The following TDRD1 variants were observed in gnomAD, a reference collection of about 807,000 sequenced individuals.
TDRD1 encodes the protein tudor domain-containing protein 1.
A neutral mutation model predicts 140.6 loss-of-function variants in TDRD1; 37 were observed. That is an observed-to-expected ratio of 0.26 (90% CI 0.20 to 0.35). The LOEUF (loss-of-function observed/expected upper bound fraction) is 0.35, where lower values mean the gene tolerates loss of function less well. Among genes scored for constraint, TDRD1 ranks in the 10% least tolerant of loss-of-function variants. TDRD1 has a pLI of 1.00. For synonymous variants in TDRD1, 506 were observed against 475.7 expected (o/e 1.06, Z -0.83); for missense variants, 1,243 against 1,393.0 (o/e 0.89, Z 1.71).
intron 2 of TDRD1, among the ~76,000 whole-genome samples, chr10:114,188,394 C>T (rs369749229): frequency 1.6e-4 from 24 of 152,256 alleles, no homozygotes; most frequent in Middle Eastern, 3.4e-3. Flanking sequence ...CCACAGAGGA[C>T]TATACTAGGA....
At chr10:114,220,866 T>G (rs1305798257) in intron 19 of TDRD1, 23 bp downstream of exon 19, 1 of 1,536,050 alleles carries the variant, frequency 6.5e-7, no homozygotes, top group African/African-American at 1.4e-5. Context: ...AACCATTTAT[T>G]TGTTTAAATT....
In TDRD1 at chr10:114,190,677, G is replaced by A. The variant is rs540212827; in HGVS notation, c.326-284G>A. 2.0e-5 allele frequency among the ~76,000 whole-genome samples: 3 copies of A among 152,130 alleles called. No individual in the cohort carries two copies. In the East Asian group the frequency reaches 5.8e-4, roughly 29 times the overall value. ...TAATTTTTGTATTTTTAGTAGAGACGGGGTTTCACCATGTTGGTCAGGCTG... is the reference window on the plus strand; with the variant it reads ...TAATTTTTGTATTTTTAGTAGAGACAGGGTTTCACCATGTTGGTCAGGCTG... On this transcript the variant is annotated intron_variant, in intron 2 of 25. Coordinates refer to ENST00000251864, the Ensembl canonical transcript of TDRD1.
chr10:114,183,462 A>C (rs1290989741), intron 1 of TDRD1, among the ~76,000 whole-genome samples: 1 of 152,218 alleles, frequency 6.6e-6, no homozygotes, highest in Non-Finnish European at 1.5e-5. Flanking sequence ...AGTGAAAAAG[A>C]TATCCTCATC....
At chr10:114,223,961 G>T (rs1043752219) in intron 21 of TDRD1, among the ~76,000 whole-genome samples, 5 of 152,246 alleles carry the variant, frequency 3.3e-5, no homozygotes, top group East Asian at 1.9e-4. Flanking sequence ...TTTCAGCCCT[G>T]ACCCTGTTGT....
At chr10:114,196,636 A>G (rs932057541) in intron 3 of TDRD1, among the ~76,000 whole-genome samples, 1 of 151,740 alleles carries the variant, frequency 6.6e-6, no homozygotes, top group Non-Finnish European at 1.5e-5. Flanking sequence ...GTTTTAGTTT[A>G]CCTTAATAGA....
chr10:114,197,460 C>G (rs117271845), intron 3 of TDRD1, among the ~76,000 whole-genome samples: 1,523 of 152,112 alleles, frequency 0.01, 10 homozygotes, highest in Middle Eastern at 0.037. Flanking sequence ...TCATTTGTTT[C>G]AAGCCTATTC....
chr10:114,190,882 C>A, intron 2 of TDRD1, 79 bp from the exon 3 acceptor site: 2 of 1,390,468 alleles, frequency 1.4e-6, no homozygotes, highest in Non-Finnish European at 2.0e-6. Flanking sequence ...TTGAATATCA[C>A]CTAATTACAC....
At chr10:114,222,277 A>G (rs1234014064) in intron 20 of TDRD1, among the ~76,000 whole-genome samples, 3 of 152,202 alleles carry the variant, frequency 2.0e-5, no homozygotes, top group South Asian at 2.1e-4. Context: ...ACACTAAACA[A>G]TTGTAAAAAT....
At chr10:114,193,343 A>G (rs185127082) in intron 3 of TDRD1, among the ~76,000 whole-genome samples, 13 of 125,716 alleles carry the variant, frequency 1.0e-4, no homozygotes, top group Non-Finnish European at 1.6e-4. Flanking sequence ...TCCAGGCTGG[A>G]CTGCAGGGCT....
At chr10:114,213,493 A>C (rs769751509) in exon 15 of TDRD1, 4 of 1,614,046 alleles carry the variant, frequency 2.5e-6, no homozygotes, top group Middle Eastern at 3.3e-4. Context: ...GAGACGCCTC[A>C]TGTCAGTGTT....
chr10:114,190,715 T>C (rs2033902057), intron 2 of TDRD1, among the ~76,000 whole-genome samples: 1 of 152,192 alleles, frequency 6.6e-6, no homozygotes, highest in African/African-American at 2.4e-5. Flanking sequence ...CTTGAACTGC[T>C]GACCTCAAGT....
At chr10:114,188,146 A>C in exon 2 of TDRD1, 1 of 1,575,386 alleles carries the variant, frequency 6.3e-7, no homozygotes, top group African/African-American at 1.4e-5. Flanking sequence ...ACAGGAAAAA[A>C]TTGCCAGCAG....
chr10:114,213,603 T>A lies in TDRD1; in HGVS notation c.2074+15T>A. ...AGAAACCAGTGGTAAGTCAAATGTT[T>A]ACTGGATAATGCCTGTTCTGGAGTT... is the stretch of plus-strand genomic sequence containing the variant. On this transcript the variant is annotated intron_variant, in intron 15 of 25. Coordinates refer to ENST00000251864, the Ensembl canonical transcript of TDRD1. 6.2e-7 allele frequency: 1 copy of A among 1,610,794 alleles called. No individual in the cohort carries two copies. Among genetic ancestry groups the A allele is most frequent in the Non-Finnish European group, 8.5e-7 (1 of 1,177,300 alleles).
At chr10:114,225,502 C>G (rs886323545) in intron 21 of TDRD1, among the ~76,000 whole-genome samples, 1 of 151,820 alleles carries the variant, frequency 6.6e-6, no homozygotes, top group Non-Finnish European at 1.5e-5. Flanking sequence ...CATCTGCTTT[C>G]CAGCTTCCAA....
At chr10:114,210,793 A>G (rs369324849) in intron 12 of TDRD1, 45 bp downstream of exon 12, 3 of 1,611,788 alleles carry the variant, frequency 1.9e-6, no homozygotes, top group Non-Finnish European at 2.5e-6. Context: ...AAAATACTTC[A>G]AGAGACTTGA....
chr10:114,174,959 G>C (rs918655613), upstream of TDRD1, among the ~76,000 whole-genome samples: 1 of 152,204 alleles, frequency 6.6e-6, no homozygotes, highest in African/African-American at 2.4e-5. Flanking sequence ...ATGTTCTTTG[G>C]TTTAGGTCTT....
Position 114,212,020 on chromosome 10 carries a change from A to G in TDRD1, c.1815A>G (p.Ile605Met), listed in dbSNP as rs775443898. 5 of 1,610,854 alleles carry G rather than the reference A, an allele frequency of 3.1e-6. No individual in the cohort carries two copies. Among genetic ancestry groups the G allele is most frequent in the South Asian group, 1.1e-5 (1 of 90,046 alleles). ...TGTTGGAATTGCCAATGCAAGCTAT[A>G]AAGTGTGTACTAGCAGGTATGAAAT... The change falls in exon 14 of 26, where the codon ATA becomes ATG. Residue 605 changes from isoleucine (I) to methionine (M), a missense_variant. Coordinates refer to ENST00000251864, the Ensembl canonical transcript of TDRD1.
chr10:114,188,714 G>A (rs549673573), intron 2 of TDRD1, among the ~76,000 whole-genome samples: 2 of 151,988 alleles, frequency 1.3e-5, no homozygotes, highest in East Asian at 1.9e-4. Flanking sequence ...GAAACTAGCC[G>A]GGCGTGGTGG....
intron 16 of TDRD1, among the ~76,000 whole-genome samples, chr10:114,216,068 A>G (rs989144626): frequency 1.3e-5 from 2 of 152,224 alleles, no homozygotes; most frequent in Admixed American, 6.5e-5. Flanking sequence ...TTAGGTATAC[A>G]GAAAGTCACA....
Sources: allele counts gnomAD v4.1 joint callset (sites outside exome capture counted in the v4.1 genomes callset), GRCh38; gene constraint gnomAD v4.1.1; transcripts MANE v1.5; gene names NCBI Gene and HGNC (gene_info 2026-07-23, HGNC 2026-07-21).